Variants in VWA5B1 observed in about 807,000 individuals in gnomAD.
The protein encoded by VWA5B1 is von Willebrand factor A domain containing 5B1, also known as von Willebrand factor A domain-containing protein 5B1.
VWA5B1 carries 115 observed loss-of-function variants against 118.2 expected under a neutral mutation model. That is an observed-to-expected ratio of 0.97 (90% CI 0.84 to 1.14). The LOEUF (loss-of-function observed/expected upper bound fraction) is 1.14, where lower values mean the gene tolerates loss of function less well. Among genes scored for constraint, VWA5B1 ranks in the 50% most tolerant of loss-of-function variants. The pLI is 0.00. For synonymous variants in VWA5B1, 682 were observed against 658.4 expected (o/e 1.04, Z -0.55); for missense variants, 1,596 against 1,603.8 (o/e 1.00, Z 0.08).
At chr1:20,343,490 C>T in intron 16 of VWA5B1, 97 bp downstream of exon 16, 1 of 1,427,472 alleles carries the variant, frequency 7.0e-7, no homozygotes, top group Admixed American at 2.8e-5. Flanking sequence ...CCCGGTGATC[C>T]TCTCAGCCCC....
intron 1 of VWA5B1, among the ~76,000 whole-genome samples, chr1:20,302,439 A>C (rs2088526804): frequency 6.6e-6 from 1 of 152,214 alleles, no homozygotes; most frequent in Admixed American, 6.5e-5. Flanking sequence ...CATGCCATCC[A>C]TTCATTGTTG....
intron 17 of VWA5B1, 93 bp downstream of exon 17, chr1:20,345,686 G>T (rs1347524110): frequency 6.9e-7 from 1 of 1,441,186 alleles, no homozygotes; most frequent in Non-Finnish European, 9.1e-7. Context: ...CCACAGACCA[G>T]CAGGGAGCGG....
In VWA5B1 at chr1:20,341,639, G is replaced by T. The variant is rs2089877177; in HGVS notation, c.2134-793G>T. 2.0e-5 allele frequency among the ~76,000 whole-genome samples: 3 copies of T among 152,176 alleles called. No homozygotes were observed. In the South Asian group the frequency reaches 6.2e-4, roughly 32 times the overall value. ...CTTAACACATTATTCTATTAAGTTA[G>T]TCTTTTACTCCCAGTGATTTATGAA... On this transcript the variant is annotated intron_variant, in intron 14 of 21. Transcript: ENST00000289815.
intron 9 of VWA5B1, among the ~76,000 whole-genome samples, chr1:20,329,162 T>G (rs2089470394): frequency 6.6e-6 from 1 of 152,214 alleles, no homozygotes; most frequent in African/African-American, 2.4e-5. Context: ...TATCACAGAT[T>G]TTGCATGTAT....
At chr1:20,320,767 A>G (rs1437851596) in intron 7 of VWA5B1, among the ~76,000 whole-genome samples, 1 of 152,252 alleles carries the variant, frequency 6.6e-6, no homozygotes, top group Non-Finnish European at 1.5e-5. Flanking sequence ...TTGAGGAGAC[A>G]TTAGAGAATC....
chr1:20,320,630 A>C (rs1034508603), intron 7 of VWA5B1, among the ~76,000 whole-genome samples: 21 of 152,370 alleles, frequency 1.4e-4, no homozygotes, highest in African/African-American at 5.0e-4. Flanking sequence ...GAAGCAAATG[A>C]GAATTAACTT....
intron 7 of VWA5B1, among the ~76,000 whole-genome samples, chr1:20,321,125 A>AAAAAC (rs2089200762): frequency 6.6e-6 from 1 of 152,042 alleles, no homozygotes; most frequent in Non-Finnish European, 1.5e-5. Context: ...AAAAAAAAAA[A>AAAAAC]AAAACACGAA....
intron 7 of VWA5B1, among the ~76,000 whole-genome samples, chr1:20,322,046 CGA>C (rs1185087644): frequency 6.6e-6 from 1 of 151,938 alleles, no homozygotes; most frequent in Admixed American, 6.6e-5. Context: ...TTGCAAAGGT[CGA>C]GAGAGAGAGA....
At chr1:20,309,050 G>T (rs1186584444) in intron 1 of VWA5B1, among the ~76,000 whole-genome samples, 2 of 152,154 alleles carry the variant, frequency 1.3e-5, no homozygotes, top group Admixed American at 6.5e-5. Flanking sequence ...CAAGGCATGT[G>T]ATTACTTGGG....
chr1:20,312,878 G>A lies in VWA5B1; in HGVS notation c.182G>A (p.Gly61Asp), dbSNP rs2088892122. 6.4e-7 allele frequency: 1 copy of A among 1,551,676 alleles called. No individual in the cohort carries two copies. The highest frequency in any genetic ancestry group is 8.7e-7 in the Non-Finnish European group (1 of 1,146,978). ...YPLDECTTVI[G>D]FEAVIADRVV... is the part of the protein sequence containing the mutation. ...CTGGATGAGTGCACCACGGTGATCG[G>A]CTTTGAGGCAGTCATTGCCGACCGT... Residue 61 changes from glycine (G) to aspartate (D), a missense_variant, in exon 3 of 22, where the codon GGC becomes GAC. Gly to Asp is a moderately conservative substitution (Grantham distance 94). Transcript: ENST00000289815.
chr1:20,355,324 C>G lies in VWA5B1; in HGVS notation c.*1061C>G, dbSNP rs2090210179. 6.6e-6 allele frequency among the ~76,000 whole-genome samples: 1 copy of G among 152,158 alleles called. No homozygotes were observed. The highest frequency in any genetic ancestry group is 1.5e-5 in the Non-Finnish European group (1 of 68,024). ...AATGAATTGACACTTCAGGCTGGAT[C>G]CCCTAGGGGCTTCCTGCCCTCAAGC... On this transcript the variant is annotated 3_prime_UTR_variant, in exon 22 of 22. Coordinates refer to ENST00000289815, the MANE Select transcript of VWA5B1 (RefSeq NM_001039500.3).
chr1:20,322,134 A>T (rs139920904), intron 7 of VWA5B1, among the ~76,000 whole-genome samples: 119 of 152,374 alleles, frequency 7.8e-4, no homozygotes, highest in African/African-American at 2.9e-3. Context: ...TGTTAGCAGC[A>T]GGACTGGCAA....
At chr1:20,299,900 A>G (rs1459495222) in intron 1 of VWA5B1, among the ~76,000 whole-genome samples, 1 of 152,228 alleles carries the variant, frequency 6.6e-6, no homozygotes, top group Non-Finnish European at 1.5e-5. Flanking sequence ...AGTGAGAGGT[A>G]GAGCCCTGGG....
At chr1:20,335,391 AGTGTGAGCAGTATAG>A (rs1349169069) in intron 12 of VWA5B1, among the ~76,000 whole-genome samples, 8 of 152,216 alleles carry the variant, frequency 5.3e-5, no homozygotes, top group African/African-American at 1.9e-4. Context: ...GATACTGATA[AGTGTGAGCAGTATAG>A]CAAAGTTTTT....
At chr1:20,346,344 A>G (rs1367125584) in intron 17 of VWA5B1, among the ~76,000 whole-genome samples, 1 of 152,210 alleles carries the variant, frequency 6.6e-6, no homozygotes, top group African/African-American at 2.4e-5. Flanking sequence ...CAGGCTTTAC[A>G]TTTATTGCCC....
chr1:20,350,524 C>G (rs1027808092), intron 19 of VWA5B1, among the ~76,000 whole-genome samples: 2 of 152,206 alleles, frequency 1.3e-5, no homozygotes, highest in South Asian at 4.1e-4. Flanking sequence ...CTAGAGTCCT[C>G]TAGCAACGTG....
intron 16 of VWA5B1, 41 bp downstream of exon 16, chr1:20,343,434 C>G (rs920350323): frequency 1.7e-5 from 25 of 1,474,820 alleles, no homozygotes; most frequent in South Asian, 8.1e-5. Flanking sequence ...GGACGGCCTC[C>G]GGAGGACAGC....
chr1:20,334,992 T>C (rs1324409762), intron 12 of VWA5B1, among the ~76,000 whole-genome samples: 1 of 151,794 alleles, frequency 6.6e-6, no homozygotes. Flanking sequence ...GGTGGTAAAA[T>C]ATTGTGCAGT....
chr1:20,317,155 C>CAA lies in VWA5B1; in HGVS notation c.564-352_564-351dup, dbSNP rs367872784. 1.8e-3 allele frequency among the ~76,000 whole-genome samples: 124 copies of CAA among 70,246 alleles called. 2 individuals carry two copies. Among genetic ancestry groups the CAA allele is most frequent in the Middle Eastern group, 0.016 (2 of 128 alleles). 46.1% of individuals were successfully genotyped at this position (70,246 alleles called of 152,430 possible). Reference sequence around the variant, plus strand: ...TGGGTGACTGAGCAAGACTGCATCTCAAAAAAAAAAAAAAAAAAAAAAAAT... The same window carrying CAA: ...TGGGTGACTGAGCAAGACTGCATCTCAAAAAAAAAAAAAAAAAAAAAAAAAAT... On this transcript the variant is annotated intron_variant, in intron 4 of 21. Transcript: ENST00000289815.
Sources: allele counts gnomAD v4.1 joint callset (sites outside exome capture counted in the v4.1 genomes callset), GRCh38; gene constraint gnomAD v4.1.1; transcripts MANE v1.5; gene names NCBI Gene and HGNC (gene_info 2026-07-23, HGNC 2026-07-21).